RAB10: variants seen among roughly 807,000 people sequenced by gnomAD.
The protein encoded by RAB10 is ras-related protein Rab-10.
A neutral mutation model predicts 25.7 loss-of-function variants in RAB10; 5 were observed. That is an observed-to-expected ratio of 0.19 (90% confidence interval 0.10 to 0.41). The LOEUF is 0.41. Among genes scored for constraint, RAB10 ranks in the 10% least tolerant of loss-of-function variants. The pLI is 1.00. For synonymous variants in RAB10, 89 were observed against 86.4 expected, an observed-to-expected ratio of 1.03 and a Z score of -0.16; for missense variants, 103 against 245.8, an observed-to-expected ratio of 0.42 and a Z score of 3.89.
intron 1 of RAB10, among the ~76,000 whole-genome samples, chr2:26,045,384 C>T (rs1389337139): frequency 1.3e-5 from 2 of 152,022 alleles, no homozygotes; most frequent in Admixed American, 6.6e-5. Flanking sequence ...GGACTACAGG[C>T]GCCCGCCACC....
intron 1 of RAB10, among the ~76,000 whole-genome samples, chr2:26,081,380 C>T (rs1328608608): frequency 1.3e-5 from 2 of 152,082 alleles, no homozygotes; most frequent in South Asian, 2.1e-4. Context: ...CTCCTCCACC[C>T]CAAAATGCAA....
intron 3 of RAB10, among the ~76,000 whole-genome samples, chr2:26,125,670 G>C (rs1020425913): frequency 6.6e-6 from 1 of 151,736 alleles, no homozygotes; most frequent in Admixed American, 6.6e-5. Flanking sequence ...GGCTAGTCTC[G>C]AACTCCTGGG....
chr2:26,098,797 C>A, intron 2 of RAB10, 75 bp downstream of exon 2: 1 of 1,280,528 alleles, frequency 7.8e-7, no homozygotes, highest in Non-Finnish European at 1.1e-6. Flanking sequence ...TCTTTTTTGT[C>A]ACAGGTTTAG....
chr2:26,054,320 C>G (rs1666202936), intron 1 of RAB10, among the ~76,000 whole-genome samples: 1 of 151,896 alleles, frequency 6.6e-6, no homozygotes, highest in African/African-American at 2.4e-5. Flanking sequence ...TCCCAAAGTA[C>G]TGGGATTACA....
intron 3 of RAB10, among the ~76,000 whole-genome samples, chr2:26,121,168 T>G (rs1667796539): frequency 6.6e-6 from 1 of 152,202 alleles, no homozygotes; most frequent in Admixed American, 6.5e-5. Context: ...CACCTCAGCC[T>G]CCCAAAGTGC....
chr2:26,070,038 G>T lies in RAB10; in HGVS notation c.128-28624G>T, dbSNP rs529591749. Among the ~76,000 whole-genome samples the T allele has an allele frequency of 5.3e-5, 8 of 152,294 alleles. 1 individual carries two copies. The highest frequency in any genetic ancestry group is 1.9e-4 in the African/African-American group (8 of 41,574). On this transcript the variant is annotated intron_variant, in intron 1 of 5. Coordinates refer to ENST00000264710, the MANE Select transcript of RAB10 (RefSeq NM_016131.5). ...ACTTTTGACAATAATCTTGGTTTGG[G>T]GGAGGTGTGTGTGTGTCAGTCTTAG...
intron 3 of RAB10, among the ~76,000 whole-genome samples, chr2:26,116,389 T>C (rs1389856420): frequency 6.6e-6 from 1 of 151,962 alleles, no homozygotes; most frequent in African/African-American, 2.4e-5. Flanking sequence ...TACTCACATA[T>C]AATATAGGTT....
intron 3 of RAB10, among the ~76,000 whole-genome samples, chr2:26,112,830 C>T (rs925938508): frequency 5.9e-5 from 9 of 152,168 alleles, no homozygotes; most frequent in Admixed American, 6.5e-5. Flanking sequence ...CCTGTAATCC[C>T]AGCACTTTGG....
chr2:26,131,859 A>G (rs145308257), intron 5 of RAB10, among the ~76,000 whole-genome samples: 1 of 152,336 alleles, frequency 6.6e-6, no homozygotes, highest in East Asian at 1.9e-4. Context: ...AAATAATTAC[A>G]TGCTATTCCT....
intron 1 of RAB10, among the ~76,000 whole-genome samples, chr2:26,081,826 A>G (rs1281129386): frequency 6.6e-6 from 1 of 152,240 alleles, no homozygotes; most frequent in African/African-American, 2.4e-5. Flanking sequence ...TTCAGAAAGG[A>G]AAAGCTATCA....
intron 5 of RAB10, among the ~76,000 whole-genome samples, chr2:26,132,910 A>G (rs975375912): frequency 6.6e-6 from 1 of 152,088 alleles, no homozygotes; most frequent in Non-Finnish European, 1.5e-5. Flanking sequence ...GTGCAACTGT[A>G]CTTTTTTTTC....
chr2:26,082,400 C>A (rs987746410), intron 1 of RAB10, among the ~76,000 whole-genome samples: 1 of 151,958 alleles, frequency 6.6e-6, no homozygotes, highest in Admixed American at 6.6e-5. Context: ...GATTTTAGAG[C>A]AAGGAGTATA....
At chr2:26,117,619 CA>C (rs71399361) in intron 3 of RAB10, among the ~76,000 whole-genome samples, 24 of 34,378 alleles carry the variant, frequency 7.0e-4, no homozygotes, top group Admixed American at 1.2e-3. Context: ...GACTCCGTCT[CA>C]AAAAAAAAAA....
At position 26,136,323 on chromosome 2, in the gene RAB10, T is replaced by A. The variant is rs1232049077; in HGVS notation, c.*1302T>A. On this transcript the variant is annotated 3_prime_UTR_variant, in exon 6 of 6. Coordinates refer to ENST00000264710, the MANE Select transcript of RAB10 (RefSeq NM_016131.5). ...ACATGTTTGCCAAATGTATTGAGAT[T>A]TGGCCTCTGAAGAACACTTTTTCAG... 2 of 152,612 alleles carry A rather than the reference T, an allele frequency of 1.3e-5. No individual in the cohort carries two copies. Among genetic ancestry groups the A allele is most frequent in the Non-Finnish European group, 2.9e-5 (2 of 68,038 alleles). The allele number at this position is 152,612 out of a possible 1,614,324, so 9.5% of individuals were successfully genotyped here.
At chr2:26,060,304 G>GT (rs1559581113) in intron 1 of RAB10, among the ~76,000 whole-genome samples, 1 of 151,928 alleles carries the variant, frequency 6.6e-6, no homozygotes, top group Non-Finnish European at 1.5e-5. Context: ...TTGTTTGTTT[G>GT]TTTTTTCAGA....
chr2:26,034,879 C>A, intron 1 of RAB10, 144 bp downstream of exon 1: 1 of 1,272,844 alleles, frequency 7.9e-7, no homozygotes. Context: ...TTTGAATCGG[C>A]ATCGAGCTTA....
chr2:26,133,589 A>G lies in RAB10; in HGVS notation c.520-1349A>G, dbSNP rs1005473364. ...AAGCTTTATGTACTTTTCTGTATGT[A>G]AGGTATCACTTTAAAAATATTTTTA... On this transcript the variant is annotated intron_variant, in intron 5 of 5. Coordinates refer to ENST00000264710, the MANE Select transcript of RAB10 (RefSeq NM_016131.5). Among the ~76,000 whole-genome samples, 9 of 152,350 alleles carry G rather than the reference A, an allele frequency of 5.9e-5. No homozygotes were observed. In the East Asian group the frequency reaches 1.7e-3, roughly 29 times the overall value.
At chr2:26,115,793 T>C (rs891733641) in intron 3 of RAB10, among the ~76,000 whole-genome samples, 5 of 152,130 alleles carry the variant, frequency 3.3e-5, no homozygotes, top group Non-Finnish European at 5.9e-5. Flanking sequence ...TTAATACCTT[T>C]CCTTACAATT....
intron 5 of RAB10, among the ~76,000 whole-genome samples, chr2:26,132,937 T>C (rs1409817285): frequency 6.6e-6 from 1 of 152,164 alleles, no homozygotes; most frequent in Non-Finnish European, 1.5e-5. Flanking sequence ...GATGCTGGTC[T>C]GCCCCTTTTT....
Sources: allele counts gnomAD v4.1 joint callset (sites outside exome capture counted in the v4.1 genomes callset), GRCh38; gene constraint gnomAD v4.1.1; transcripts MANE v1.5; gene names NCBI Gene and HGNC (gene_info 2026-07-23, HGNC 2026-07-21).